The following ST6GALNAC6 variants were observed in gnomAD, a reference collection of about 807,000 sequenced individuals.
ST6GALNAC6 encodes ST6 N-acetylgalactosaminide alpha-2,6-sialyltransferase 6, also known as alpha-N-acetylgalactosaminide alpha-2,6-sialyltransferase 6.
A neutral mutation model predicts 34.3 loss-of-function variants in ST6GALNAC6; 19 were observed. The observed-to-expected ratio is 0.55, with a 90% CI of 0.39 to 0.81. ST6GALNAC6 has a LOEUF of 0.81. Ranked by LOEUF, ST6GALNAC6 falls within the 40% of genes least tolerant of loss-of-function variation. The pLI, the probability that ST6GALNAC6 is intolerant of heterozygous loss-of-function variation, is 0.00. For synonymous variants in ST6GALNAC6, 185 were observed against 182.1 expected (o/e 1.02, Z -0.13); for missense variants, 377 against 467.7 (o/e 0.81, Z 1.79).
rs912251028 is a variant in ST6GALNAC6, at chr9:127,890,518, G to C, written c.704+119C>G. The C allele has an allele frequency of 7.0e-7, 1 of 1,432,600 alleles. No homozygotes were observed. Among genetic ancestry groups the C allele is most frequent in the Admixed American group, 2.1e-5 (1 of 47,398 alleles). The allele number at this position is 1,432,600 out of a possible 1,614,324, so 88.7% of individuals were successfully genotyped here. On this transcript the variant is annotated intron_variant, in intron 5 of 6. Coordinates refer to ENST00000373146, the MANE Select transcript of ST6GALNAC6 (RefSeq NM_013443.5). This position sits in a 1 kb window ranked among gnomAD's most constrained non-coding sequence, Gnocchi z 4.3. Reference sequence around the variant, plus strand: ...ACTCTCCTAGGAGGCCCAACCAGAGGACGGCGGGACTTGACTACCCCTCAG... The same window carrying C: ...ACTCTCCTAGGAGGCCCAACCAGAGCACGGCGGGACTTGACTACCCCTCAG...
chr9:127,892,249 CAT>C (rs1830191708), intron 4 of ST6GALNAC6, among the ~76,000 whole-genome samples: 1 of 152,216 alleles, frequency 6.6e-6, no homozygotes, highest in Non-Finnish European at 1.5e-5. Flanking sequence ...CACCCTTGCT[CAT>C]TCCTGTCCAT....
intron 2 of ST6GALNAC6, chr9:127,897,153 A>G (rs1588655713): frequency 1.0e-6 from 1 of 984,670 alleles, no homozygotes; most frequent in Non-Finnish European, 1.2e-6. Context: ...GCACACCCCA[A>G]TCTCTTCCTC....
chr9:127,901,482 T>C (rs1046288803), upstream of ST6GALNAC6, among the ~76,000 whole-genome samples: 2 of 151,918 alleles, frequency 1.3e-5, no homozygotes, highest in African/African-American at 4.8e-5. Flanking sequence ...TGGAACACGC[T>C]ACTTAATCCC....
chr9:127,897,526 G>GCTCGGC, intron 2 of ST6GALNAC6: 2 of 805,038 alleles, frequency 2.5e-6, no homozygotes, highest in Non-Finnish European at 3.0e-6. Flanking sequence ...CTCATCCGGA[G>GCTCGGC]CTCGGCTTCG....
chr9:127,891,390 C>T (rs1259823076), intron 4 of ST6GALNAC6, among the ~76,000 whole-genome samples: 9 of 151,970 alleles, frequency 5.9e-5, no homozygotes, highest in Middle Eastern at 3.4e-3. Flanking sequence ...CCGAGGCAGG[C>T]GGATCACCTG....
Position 127,899,572 on chromosome 9 carries a change from G to T in ST6GALNAC6, c.-99C>A. ...CACATGGCGCCGGGAGCCGAGCGCC[G>T]GGGTCCGCGCTCCTCAGGCCGCCCA... On this transcript the variant is annotated 5_prime_UTR_variant, in exon 1 of 7. Coordinates refer to ENST00000373146, the MANE Select transcript of ST6GALNAC6 (RefSeq NM_013443.5). The T allele has an allele frequency of 9.2e-6, 9 of 981,148 alleles. No individual in the cohort carries two copies. Among genetic ancestry groups the T allele is most frequent in the Non-Finnish European group, 1.1e-5 (9 of 828,234 alleles). The allele number at this position is 981,148 out of a possible 1,614,324, so 60.8% of individuals were successfully genotyped here.
intron 2 of ST6GALNAC6, chr9:127,897,512 G>T: frequency 1.1e-6 from 1 of 878,276 alleles, no homozygotes. Context: ...CCGTGGGAGC[G>T]CCCCTCATCC....
Position 127,887,625 on chromosome 9 carries a change from T to C in ST6GALNAC6, c.705-34A>G, listed in dbSNP as rs200096743. 1.3e-4 allele frequency: 206 copies of C among 1,554,774 alleles called. No homozygotes were observed. In the African/African-American group the frequency reaches 2.6e-3, roughly 19 times the overall value. ...GGAGAGGGGTCACGATGAGGGCACA[T>C]GCAGGGAGAGATGGGAGCAGGTGAC... On this transcript the variant is annotated intron_variant, in intron 5 of 6. Coordinates refer to ENST00000373146, the MANE Select transcript of ST6GALNAC6 (RefSeq NM_013443.5).
chr9:127,903,575 C>G (rs976450556), upstream of ST6GALNAC6: 23 of 152,248 alleles, frequency 1.5e-4, no homozygotes, highest in Admixed American at 1.2e-3. Context: ...GCACTGCCCA[C>G]CAGGCAGGGA....
At chr9:127,902,215 A>G (rs1269577006), upstream of ST6GALNAC6, among the ~76,000 whole-genome samples, 1 of 152,108 alleles carries the variant, frequency 6.6e-6, no homozygotes, top group African/African-American at 2.4e-5. Context: ...CTGGAGTGCA[A>G]CGGTTCAATC....
At chr9:127,899,465 C>A in intron 1 of ST6GALNAC6, 38 bp downstream of exon 1, 1 of 932,946 alleles carries the variant, frequency 1.1e-6, no homozygotes, top group South Asian at 4.8e-5. Flanking sequence ...GCCTCCGCCC[C>A]CGCCCCCGCG....
intron 4 of ST6GALNAC6, among the ~76,000 whole-genome samples, chr9:127,893,364 C>A (rs1012940313): frequency 6.6e-6 from 1 of 152,160 alleles, no homozygotes; most frequent in Admixed American, 6.5e-5. Flanking sequence ...AAACAAGAAC[C>A]ACCTTGTTAT....
chr9:127,904,871 C>T (rs1830877164), intron 1 of ST6GALNAC6: 3 of 152,598 alleles, frequency 2.0e-5, no homozygotes, highest in Middle Eastern at 3.4e-3. Flanking sequence ...CGCTGGGTCC[C>T]ACCAGTCCCC....
upstream of ST6GALNAC6, chr9:127,902,990 C>CTTTT (rs10551658): frequency 4.1e-4 from 22 of 54,112 alleles, no homozygotes; most frequent in African/African-American, 1.4e-3. Flanking sequence ...TTTTTGCTTG[C>CTTTT]TTTTTTTTTT....
upstream of ST6GALNAC6, chr9:127,899,661 G>A: frequency 2.0e-6 from 2 of 983,950 alleles, no homozygotes; most frequent in South Asian, 9.4e-5. Flanking sequence ...CCCAGGCCTG[G>A]GAGGTGGGCG....
intron 4 of ST6GALNAC6, among the ~76,000 whole-genome samples, chr9:127,893,560 C>T (rs1473660600): frequency 1.3e-5 from 2 of 152,210 alleles, no homozygotes; most frequent in South Asian, 2.1e-4. Flanking sequence ...TCCAGCAACA[C>T]ATCCCACGTA....
Position 127,886,870 on chromosome 9 carries a change from G to C in ST6GALNAC6, c.813-82C>G, listed in dbSNP as rs1261503448. The C allele has an allele frequency of 3.6e-6, 5 of 1,398,368 alleles. No homozygotes were observed. In the East Asian group the frequency reaches 1.2e-4, roughly 33 times the overall value. The allele number at this position is 1,398,368 out of a possible 1,614,324, so 86.6% of individuals were successfully genotyped here. A position where few individuals can be genotyped will look rare whatever the true frequency, so the allele number is the denominator to read the frequency against. ...CCCTTTCAGCCCCTCGCTTACCATA[G>C]GACCTCAATAGGAGAAATCCCCATG... On this transcript the variant is annotated intron_variant, in intron 6 of 6. Coordinates refer to ENST00000373146, the MANE Select transcript of ST6GALNAC6 (RefSeq NM_013443.5).
upstream of ST6GALNAC6, among the ~76,000 whole-genome samples, chr9:127,900,325 T>C (rs1830703688): frequency 6.6e-6 from 1 of 151,750 alleles, no homozygotes; most frequent in Non-Finnish European, 1.5e-5. Context: ...CTTTGGGAGG[T>C]CGAGGCAGGT....
upstream of ST6GALNAC6, among the ~76,000 whole-genome samples, chr9:127,900,148 C>T (rs1588662258): frequency 6.6e-6 from 1 of 152,318 alleles, no homozygotes; most frequent in African/African-American, 2.4e-5. Context: ...TTGTAATTAC[C>T]AGGGCATCCA....
Sources: gnomAD v4.1 joint callset for allele counts (sites outside exome capture counted in the v4.1 genomes callset) on GRCh38, gnomAD v4.1.1 for gene constraint, Gnocchi (gnomAD v3.1) non-coding constraint, MANE v1.5 for transcripts, NCBI Gene and HGNC (gene_info 2026-07-23, HGNC 2026-07-21) for gene names.